SYT1: variants seen among roughly 807,000 people sequenced by gnomAD.
SYT1 encodes the protein synaptotagmin-1.
A neutral mutation model predicts 44.8 loss-of-function variants in SYT1; 8 were observed. The observed-to-expected ratio is 0.18, with a 90% CI of 0.10 to 0.32. The LOEUF (loss-of-function observed/expected upper bound fraction) is 0.32. Among genes scored for constraint, SYT1 ranks in the 10% least tolerant of loss-of-function variants. The probability of loss-of-function intolerance (pLI) is 1.00; values close to 1 mark genes in which losing one functional copy is unlikely to be tolerated. For synonymous variants in SYT1, 154 were observed against 188.8 expected (o/e 0.82, Z 1.51); for missense variants, 286 against 509.3 (o/e 0.56, Z 4.22).
At chr12:79,029,687 ATAAGT>A (rs1473859185) in intron 2 of SYT1, among the ~76,000 whole-genome samples, 2 of 151,202 alleles carry the variant, frequency 1.3e-5, no homozygotes, top group African/African-American at 4.8e-5. Context: ...GTTACATGGT[ATAAGT>A]TAAGTAATTA....
rs5799433 is a variant in SYT1 at position 79,449,923 on chromosome 12, CGTGTGTGTGTGT to C, written c.*823_*834del. 0.017 allele frequency: 2,552 copies of C among 145,996 alleles called. 122 individuals are homozygous for C. In the East Asian group the frequency reaches 0.18, roughly 10 times the overall value. 9.0% of individuals were successfully genotyped at this position (145,996 alleles called of 1,614,324 possible). On this transcript the variant is annotated 3_prime_UTR_variant, in exon 11 of 11. Coordinates refer to ENST00000261205, the MANE Select transcript of SYT1 (RefSeq NM_005639.3). ...CATATAGAATAACAACAAGGTGTTC[CGTGTGTGTGTGT>C]GTGTGTGTGTGTGTGTGTGTGTGCA...
chr12:79,034,838 T>G (rs568036272), intron 2 of SYT1, among the ~76,000 whole-genome samples: 4 of 151,876 alleles, frequency 2.6e-5, no homozygotes, highest in African/African-American at 9.6e-5. Context: ...TTAATTGATA[T>G]ATGCCCTTTT....
intron 3 of SYT1, among the ~76,000 whole-genome samples, chr12:79,205,376 G>A (rs906037746): frequency 6.6e-6 from 1 of 152,082 alleles, no homozygotes; most frequent in African/African-American, 2.4e-5. Flanking sequence ...CTAAAATCTT[G>A]GGAGGCTTTT....
In SYT1 at chr12:78,906,889, C is replaced by G. The variant is rs111249881; in HGVS notation, c.-217+41780C>G. On this transcript the variant is annotated intron_variant, in intron 1 of 10. Coordinates refer to ENST00000261205, the MANE Select transcript of SYT1 (RefSeq NM_005639.3). ...TACTGTGTCAAACGTTATGCTATAT[C>G]TTGTGCATACAAAGAAAATTAAGAC... 3.9e-3 allele frequency among the ~76,000 whole-genome samples: 598 copies of G among 152,200 alleles called. 3 individuals carry two copies. The highest frequency in any genetic ancestry group is 0.014 in the African/African-American group (580 of 41,532).
At chr12:79,170,407 A>G (rs1205530572) in intron 3 of SYT1, among the ~76,000 whole-genome samples, 1 of 151,976 alleles carries the variant, frequency 6.6e-6, no homozygotes, top group Non-Finnish European at 1.5e-5. Flanking sequence ...GGTGTTAGGT[A>G]GTATCTCACT....
At chr12:79,220,647 C>A (rs1875102647) in intron 4 of SYT1, among the ~76,000 whole-genome samples, 1 of 151,922 alleles carries the variant, frequency 6.6e-6, no homozygotes, top group Non-Finnish European at 1.5e-5. Flanking sequence ...TTTTTGTCTT[C>A]AAGAAATGTT....
intron 3 of SYT1, among the ~76,000 whole-genome samples, chr12:79,122,903 C>T (rs1009297460): frequency 6.6e-6 from 1 of 152,118 alleles, no homozygotes; most frequent in Non-Finnish European, 1.5e-5. Flanking sequence ...TAAATGATGA[C>T]ACCTTCTAAG....
intron 3 of SYT1, among the ~76,000 whole-genome samples, chr12:79,152,536 G>A (rs1456265403): frequency 1.3e-5 from 2 of 151,988 alleles, no homozygotes; most frequent in African/African-American, 4.8e-5. Context: ...GGAATTATCT[G>A]TTATATGAGG....
chr12:79,155,288 G>A (rs548563984), intron 3 of SYT1, among the ~76,000 whole-genome samples: 5 of 152,276 alleles, frequency 3.3e-5, no homozygotes, highest in African/African-American at 1.2e-4. Context: ...ATTAGAATGG[G>A]CTGCCAAGAG....
At chr12:79,023,719 C>A (rs949471805) in intron 2 of SYT1, among the ~76,000 whole-genome samples, 2 of 151,800 alleles carry the variant, frequency 1.3e-5, no homozygotes, top group Non-Finnish European at 2.9e-5. Flanking sequence ...CAAAAATCCC[C>A]ATATACTCTT....
At chr12:78,926,036 C>T (rs1007716298) in intron 1 of SYT1, among the ~76,000 whole-genome samples, 4 of 151,954 alleles carry the variant, frequency 2.6e-5, no homozygotes, top group African/African-American at 9.7e-5. Context: ...ATATAGAAAA[C>T]ATATCAGGGT....
At chr12:78,949,477 T>TTAAAA (rs35755623) in intron 1 of SYT1, among the ~76,000 whole-genome samples, 5 of 144,018 alleles carry the variant, frequency 3.5e-5, no homozygotes, top group African/African-American at 1.3e-4. Context: ...TATAGCTCAT[T>TTAAAA]AAAAAAAAAA....
In SYT1 at chr12:78,902,437, C is replaced by T. The variant is rs1043065827; in HGVS notation, c.-217+37328C>T. 4.6e-5 allele frequency among the ~76,000 whole-genome samples: 7 copies of T among 152,092 alleles called. No individual in the cohort carries two copies. The East Asian group carries it at 5.8e-4, about 13-fold the overall frequency. On this transcript the variant is annotated intron_variant, in intron 1 of 10. Coordinates refer to ENST00000261205, the MANE Select transcript of SYT1 (RefSeq NM_005639.3). ...CCACATAGGGCAATATAATAGGTCA[C>T]AATTTATAAACAGCCATCTACCAGT...
intron 1 of SYT1, among the ~76,000 whole-genome samples, chr12:78,910,806 T>C (rs564541115): frequency 6.6e-6 from 1 of 152,034 alleles, no homozygotes; most frequent in African/African-American, 2.4e-5. Context: ...ACCAGTAGTG[T>C]ACATGTGAGC....
intron 3 of SYT1, among the ~76,000 whole-genome samples, chr12:79,156,634 A>C (rs1054593499): frequency 1.3e-5 from 2 of 151,768 alleles, no homozygotes; most frequent in African/African-American, 4.8e-5. Context: ...TGCCTGGCTA[A>C]TTTTTTGTAT....
intron 8 of SYT1, among the ~76,000 whole-genome samples, chr12:79,316,680 T>C (rs1881102158): frequency 6.6e-6 from 1 of 152,230 alleles, no homozygotes; most frequent in South Asian, 2.1e-4. Context: ...GGCACTATGT[T>C]GTCTATCGTC....
chr12:79,432,159 T>C (rs938102936), intron 9 of SYT1, among the ~76,000 whole-genome samples: 2 of 151,976 alleles, frequency 1.3e-5, no homozygotes, highest in Non-Finnish European at 2.9e-5. Flanking sequence ...TTATTAATAC[T>C]ATAAAATTTC....
chr12:79,250,311 A>G (rs1877121244), intron 4 of SYT1, among the ~76,000 whole-genome samples: 1 of 152,074 alleles, frequency 6.6e-6, no homozygotes, highest in South Asian at 2.1e-4. Context: ...AAAAGCTCTT[A>G]TTTCTTGTTC....
chr12:78,871,618 A>G (rs553743724), intron 1 of SYT1, among the ~76,000 whole-genome samples: 7 of 152,080 alleles, frequency 4.6e-5, no homozygotes, highest in African/African-American at 1.7e-4. Flanking sequence ...ATAACAACTC[A>G]TTAAGGGACA....
Sources: allele counts gnomAD v4.1 joint callset (sites outside exome capture counted in the v4.1 genomes callset), GRCh38; gene constraint gnomAD v4.1.1; transcripts MANE v1.5; gene names NCBI Gene and HGNC (gene_info 2026-07-23, HGNC 2026-07-21).